AP1S3: variants seen among roughly 807,000 people sequenced by gnomAD.
AP1S3 encodes adaptor related protein complex 1 subunit sigma 3.
In AP1S3, 10 loss-of-function variants were observed where a neutral mutation model predicts 20.9. That is an observed-to-expected ratio of 0.48 (90% CI 0.29 to 0.81). The LOEUF is 0.81. AP1S3 is among the 30% of genes least tolerant of loss of function. AP1S3 has a pLI of 0.08. For synonymous variants in AP1S3, 41 were observed against 61.5 expected, an observed-to-expected ratio of 0.67 and a Z score of 1.56; for missense variants, 154 against 183.8, an observed-to-expected ratio of 0.84 and a Z score of 0.94.
intron 3 of AP1S3, 80 bp from the exon 4 acceptor site, chr2:223,765,430 A>T: frequency 4.1e-6 from 6 of 1,461,906 alleles, no homozygotes; most frequent in Middle Eastern, 3.6e-4. Flanking sequence ...GAGCTTTTTC[A>T]GTTTGCACTC....
At chr2:223,800,202 G>A (rs1406795441) in intron 1 of AP1S3, among the ~76,000 whole-genome samples, 1 of 146,024 alleles carries the variant, frequency 6.8e-6, no homozygotes, top group Non-Finnish European at 1.5e-5. Flanking sequence ...GCAACAAAGC[G>A]AGATTGCGTC....
At chr2:223,780,668 C>T (rs1401908761) in intron 1 of AP1S3, among the ~76,000 whole-genome samples, 2 of 151,688 alleles carry the variant, frequency 1.3e-5, no homozygotes, top group South Asian at 2.1e-4. Flanking sequence ...TAGGCTCAAG[C>T]GATCCTCCCA....
At chr2:223,808,493 T>G (rs1691637202) in intron 1 of AP1S3, among the ~76,000 whole-genome samples, 3 of 152,226 alleles carry the variant, frequency 2.0e-5, no homozygotes, top group Non-Finnish European at 4.4e-5. Context: ...CTCTTTCCAA[T>G]CACTTTTATG....
intron 1 of AP1S3, among the ~76,000 whole-genome samples, chr2:223,803,404 A>G (rs955316587): frequency 5.3e-5 from 8 of 152,190 alleles, no homozygotes; most frequent in Admixed American, 2.6e-4. Context: ...TCAAAATTCC[A>G]TATGTAATTG....
intron 3 of AP1S3, chr2:223,773,377 C>CA: frequency 2.3e-6 from 3 of 1,301,638 alleles, no homozygotes; most frequent in Non-Finnish European, 2.0e-6. Context: ...AAGGAAAGTA[C>CA]AAAAATGTGA....
chr2:223,758,748 T>C lies in AP1S3; in HGVS notation c.432A>G (p.Thr144=), dbSNP rs754301459. The change falls in exon 5 of 5, where the codon ACA becomes ACG. Residue 144 remains threonine (T), a splice_region_variant and synonymous_variant. Coordinates refer to ENST00000396654, the MANE Select transcript of AP1S3 (RefSeq NM_001039569.2). The part of the protein sequence containing the change: ...AIEDSDMLQE[T]MEEYMNKPTF ...TAGGCTTGTTCATGTATTCTTCCAT[T>C]GTCTGAAAGCGAACAATAAATTAGA... The C allele has an allele frequency of 1.2e-6, 2 of 1,609,632 alleles. No homozygotes were observed. Among genetic ancestry groups the C allele is most frequent in the Non-Finnish European group, 1.7e-6 (2 of 1,178,138 alleles).
chr2:223,801,056 T>A (rs1168663484), intron 1 of AP1S3, among the ~76,000 whole-genome samples: 1 of 151,934 alleles, frequency 6.6e-6, no homozygotes, highest in Admixed American at 6.6e-5. Flanking sequence ...TTTCCAGTTA[T>A]GCAAATAATT....
At chr2:223,759,322 T>G in intron 4 of AP1S3, among the ~76,000 whole-genome samples, 1 of 151,726 alleles carries the variant, frequency 6.6e-6, no homozygotes, top group East Asian at 1.9e-4. Context: ...ATTGAAATGC[T>G]AAAGCAAAGT....
intron 1 of AP1S3, among the ~76,000 whole-genome samples, chr2:223,833,242 A>T (rs905446078): frequency 1.1e-3 from 42 of 38,320 alleles, no homozygotes; most frequent in Non-Finnish European, 1.5e-3. Context: ...TAAAGGCAAA[A>T]TACATACATA....
intron 1 of AP1S3, among the ~76,000 whole-genome samples, chr2:223,812,568 C>T (rs1052048596): frequency 2.0e-5 from 3 of 152,158 alleles, no homozygotes; most frequent in Non-Finnish European, 2.9e-5. Context: ...TTTTGGTTCC[C>T]TTTCCAACTC....
chr2:223,820,678 A>AC (rs1443667134), intron 1 of AP1S3, among the ~76,000 whole-genome samples: 1 of 151,722 alleles, frequency 6.6e-6, no homozygotes, highest in East Asian at 1.9e-4. Flanking sequence ...GAAAAAAAAA[A>AC]AAAAAACAAG....
At chr2:223,811,577 A>G (rs1691730396) in intron 1 of AP1S3, among the ~76,000 whole-genome samples, 1 of 151,736 alleles carries the variant, frequency 6.6e-6, no homozygotes, top group African/African-American at 2.4e-5. Flanking sequence ...TCAAAAAAAA[A>G]AAAAGAAAAA....
intron 1 of AP1S3, among the ~76,000 whole-genome samples, chr2:223,830,572 G>A (rs560351694): frequency 3.3e-5 from 5 of 151,818 alleles, no homozygotes; most frequent in South Asian, 4.2e-4. Flanking sequence ...GGATGAGTAC[G>A]CAGAAGGTAT....
chr2:223,829,232 A>G (rs1692203941), intron 1 of AP1S3, among the ~76,000 whole-genome samples: 2 of 152,236 alleles, frequency 1.3e-5, no homozygotes, highest in African/African-American at 2.4e-5. Context: ...CAATATACCT[A>G]TGATGAGTTA....
In AP1S3 at chr2:223,777,580, C is replaced by A; in HGVS notation, c.182+111G>T. The A allele has an allele frequency of 3.1e-6, 3 of 962,970 alleles. 1 individual carries two copies. The highest frequency in any genetic ancestry group is 3.8e-5 in the South Asian group (2 of 52,610). 59.7% of individuals were successfully genotyped at this position (962,970 alleles called of 1,614,324 possible). ...ATTGGTACAAATATCTGGGCCCCAG[C>A]CTTCAAAGATTTCAGTAAATGATGG... is the stretch of plus-strand genomic sequence containing the variant. On this transcript the variant is annotated intron_variant, in intron 2 of 4. Transcript: ENST00000396654.
chr2:223,814,424 C>T (rs1025829086), intron 1 of AP1S3, among the ~76,000 whole-genome samples: 3 of 152,104 alleles, frequency 2.0e-5, no homozygotes, highest in South Asian at 2.1e-4. Context: ...TTAAATAAAG[C>T]GGCAAAAATG....
intron 3 of AP1S3, 145 bp from the exon 4 acceptor site, chr2:223,765,495 G>A: frequency 1.2e-6 from 1 of 831,590 alleles, no homozygotes; most frequent in Non-Finnish European, 1.8e-6. Flanking sequence ...CAGAAAAAAA[G>A]AACAGGGAAT....
rs144259535 is a variant in AP1S3 at position 223,771,640 on chromosome 2, T to C, written c.291+4261A>G. 2.6e-3 allele frequency among the ~76,000 whole-genome samples: 402 copies of C among 152,350 alleles called. 3 individuals carry two copies. Among genetic ancestry groups the C allele is most frequent in the African/African-American group, 9.1e-3 (379 of 41,580 alleles). The stretch of plus-strand genomic sequence containing the variant: ...GGTTCTTTTCTTACAGCAGAATTCA[T>C]GGTGCAGTGAGATTATTTCTGGCAT... On this transcript the variant is annotated intron_variant, in intron 3 of 4. Transcript: ENST00000396654.
intron 4 of AP1S3, among the ~76,000 whole-genome samples, chr2:223,759,821 C>T (rs186829720): frequency 2.0e-5 from 3 of 152,186 alleles, no homozygotes; most frequent in East Asian, 1.9e-4. Context: ...TCTATGTGTC[C>T]GTGTGTTCTC....
Sources: allele counts gnomAD v4.1 joint callset (sites outside exome capture counted in the v4.1 genomes callset), GRCh38; gene constraint gnomAD v4.1.1; transcripts MANE v1.5; gene names NCBI Gene and HGNC (gene_info 2026-07-23, HGNC 2026-07-21).